PIPOX: variants seen among roughly 807,000 people sequenced by gnomAD.
The protein encoded by PIPOX is pipecolic acid and sarcosine oxidase, also known as peroxisomal sarcosine oxidase.
PIPOX carries 45 observed loss-of-function variants against 47.9 expected under a neutral mutation model. The observed-to-expected ratio is 0.94, with a 90% CI of 0.74 to 1.20. The LOEUF is 1.20. Ranked by LOEUF, PIPOX falls within the 50% of genes most tolerant of loss-of-function variation. The pLI, the probability that PIPOX is intolerant of heterozygous loss-of-function variation, is 0.00. For synonymous variants in PIPOX, 165 were observed against 191.3 expected, an observed-to-expected ratio of 0.86 and a Z score of 1.13; for missense variants, 458 against 498.4, an observed-to-expected ratio of 0.92 and a Z score of 0.77.
At chr17:29,044,641 A>C (rs1411637311) in intron 1 of PIPOX, among the ~76,000 whole-genome samples, 2 of 152,094 alleles carry the variant, frequency 1.3e-5, no homozygotes, top group African/African-American at 4.8e-5. Context: ...GATAGTTTTT[A>C]AATTTTTGAG....
At position 29,054,710 on chromosome 17, in the gene PIPOX, A is replaced by T. The variant is rs1327310883; in HGVS notation, c.807+19A>T. On this transcript the variant is annotated intron_variant, in intron 5 of 7. Transcript: ENST00000323372. ...GATGAAGGTGAGCGGAAAGACCGAG[A>T]TAAGGCAGGTAGATGCCAGTGCAGA... 5.0e-6 allele frequency: 8 copies of T among 1,611,106 alleles called. No individual in the cohort carries two copies. The highest frequency in any genetic ancestry group is 6.8e-6 in the Non-Finnish European group (8 of 1,177,650).
intron 2 of PIPOX, among the ~76,000 whole-genome samples, chr17:29,050,767 G>C (rs1348526826): frequency 6.6e-6 from 1 of 151,908 alleles, no homozygotes; most frequent in African/African-American, 2.4e-5. Flanking sequence ...TGCGGCTGCA[G>C]TGAGCTGTGA....
rs187404478 is a variant in PIPOX at position 29,045,082 on chromosome 17, G to A, written c.263+75G>A. On this transcript the variant is annotated intron_variant, in intron 2 of 7. Transcript: ENST00000323372. Reference sequence around the variant, plus strand: ...TACTTTTAGTGTGTGAAGTGGCAGCGCCATGGAACATTTGGAATGCAATGG... The same window carrying A: ...TACTTTTAGTGTGTGAAGTGGCAGCACCATGGAACATTTGGAATGCAATGG... 1.4e-4 allele frequency: 200 copies of A among 1,462,056 alleles called. 2 individuals carry two copies. The African/African-American group carries it at 1.5e-3, about 11-fold the overall frequency. The allele number at this position is 1,462,056 out of a possible 1,614,324, so 90.6% of individuals were successfully genotyped here.
intron 5 of PIPOX, 48 bp downstream of exon 5, chr17:29,054,739 G>A (rs973013016): frequency 6.3e-6 from 10 of 1,592,070 alleles, no homozygotes; most frequent in Admixed American, 3.4e-5. Flanking sequence ...GTGCAGATTA[G>A]GGGAAGCTGC....
At chr17:29,051,093 C>T (rs1282886839) in intron 2 of PIPOX, among the ~76,000 whole-genome samples, 3 of 152,006 alleles carry the variant, frequency 2.0e-5, no homozygotes, top group Non-Finnish European at 4.4e-5. Flanking sequence ...TGCACTCCAG[C>T]CTGGATGACA....
intron 5 of PIPOX, 128 bp from the exon 6 acceptor site, chr17:29,054,935 G>T: frequency 1.5e-6 from 2 of 1,302,288 alleles, no homozygotes; most frequent in Non-Finnish European, 2.2e-6. Flanking sequence ...ACAGCCCACA[G>T]CACCTGCCAG....
chr17:29,052,052 G>T, intron 2 of PIPOX: 1 of 471,028 alleles, frequency 2.1e-6, no homozygotes, highest in Non-Finnish European at 4.4e-6. Flanking sequence ...GTGAAGCCAG[G>T]ACTAGAGACA....
chr17:29,056,478 T>C lies in PIPOX; in HGVS notation c.*173T>C, dbSNP rs2065828934. On this transcript the variant is annotated 3_prime_UTR_variant, in exon 8 of 8. Coordinates refer to ENST00000323372, the MANE Select transcript of PIPOX (RefSeq NM_016518.3). ...TTCTTTCCTTGGCCCGCTCCCTTTT[T>C]CTTCTGCCTCACTTGAATCCCCCGT... 3 of 704,218 alleles carry C rather than the reference T, an allele frequency of 4.3e-6. No homozygotes were observed. Among genetic ancestry groups the C allele is most frequent in the Non-Finnish European group, 6.9e-6 (3 of 432,026 alleles). The allele number at this position is 704,218 out of a possible 1,614,324, so 43.6% of individuals were successfully genotyped here. A position where few individuals can be genotyped will look rare whatever the true frequency, so the allele number is the denominator to read the frequency against.
intron 1 of PIPOX, among the ~76,000 whole-genome samples, chr17:29,043,979 G>T (rs910671026): frequency 1.3e-5 from 2 of 152,180 alleles, no homozygotes; most frequent in African/African-American, 4.8e-5. Flanking sequence ...TCGAGGACAG[G>T]GCCACCCAGC....
At chr17:29,044,575 A>T (rs779926428) in intron 1 of PIPOX, among the ~76,000 whole-genome samples, 1 of 152,116 alleles carries the variant, frequency 6.6e-6, no homozygotes, top group Non-Finnish European at 1.5e-5. Flanking sequence ...CTGGGCTCAA[A>T]CAGTCCTCCT....
chr17:29,051,409 C>T (rs1348301411), intron 2 of PIPOX, among the ~76,000 whole-genome samples: 1 of 152,150 alleles, frequency 6.6e-6, no homozygotes, highest in Admixed American at 6.5e-5. Flanking sequence ...CTCTTTAATC[C>T]CCCCAACCAG....
At chr17:29,043,683 G>T (rs576235074) in intron 1 of PIPOX, among the ~76,000 whole-genome samples, 1 of 152,258 alleles carries the variant, frequency 6.6e-6, no homozygotes, top group East Asian at 1.9e-4. Context: ...AATTGGTTCT[G>T]CTCTAGGTAA....
Position 29,055,815 on chromosome 17 carries a change from T to A in PIPOX, c.969T>A (p.Asn323Lys), listed in dbSNP as rs769593127. The A allele has an allele frequency of 4.3e-6, 7 of 1,613,346 alleles. No individual in the cohort carries two copies. The East Asian group carries it at 1.6e-4, about 36-fold the overall frequency. Residue 323 changes from asparagine to lysine, a missense_variant and splice_region_variant, in exon 7 of 8, where the codon AAT becomes AAA. Physicochemically the swap from Asn to Lys is moderately conservative, Grantham distance 94. Transcript: ENST00000323372. ...AAGGTGTGACTGTTTCTTTCTAGAA[T>A]ACCCCTGATGAGCAGTTCATTCTCG... is the stretch of plus-strand genomic sequence containing the variant. ...PAVIESCMYT[N>K]TPDEQFILDR...
chr17:29,055,999 A>G, intron 7 of PIPOX, 111 bp downstream of exon 7: 1 of 1,276,642 alleles, frequency 7.8e-7, no homozygotes. Flanking sequence ...AAGCCTGGAC[A>G]TTGTAGGTAT....
In PIPOX at chr17:29,056,409, G is replaced by A; in HGVS notation, c.*104G>A. 7.4e-7 allele frequency: 1 copy of A among 1,357,406 alleles called. No homozygotes were observed. The highest frequency in any genetic ancestry group is 1.0e-6 in the Non-Finnish European group (1 of 975,212). The allele number at this position is 1,357,406 out of a possible 1,614,324, so 84.1% of individuals were successfully genotyped here. ...CCCTGAGATATCATCCTTTTCTTCT[G>A]CCTCGCCTGAATCCCCCATAAACAC... On this transcript the variant is annotated 3_prime_UTR_variant, in exon 8 of 8. Coordinates refer to ENST00000323372, the MANE Select transcript of PIPOX (RefSeq NM_016518.3).
intron 2 of PIPOX, among the ~76,000 whole-genome samples, chr17:29,046,999 A>C (rs2065787914): frequency 6.6e-6 from 1 of 152,214 alleles, no homozygotes; most frequent in Non-Finnish European, 1.5e-5. Flanking sequence ...TTACAATAAG[A>C]AACTAGGCTG....
At chr17:29,051,271 G>C (rs533004927) in intron 2 of PIPOX, among the ~76,000 whole-genome samples, 1 of 152,328 alleles carries the variant, frequency 6.6e-6, no homozygotes, top group South Asian at 2.1e-4. Flanking sequence ...CAGAGCTCTC[G>C]TTGCTATCTC....
chr17:29,055,697 G>A (rs1162132580), intron 6 of PIPOX, 116 bp from the exon 7 acceptor site: 2 of 877,394 alleles, frequency 2.3e-6, no homozygotes, highest in East Asian at 2.4e-5. Flanking sequence ...GCATCCTTGT[G>A]CCTCATTCCA....
intron 2 of PIPOX, among the ~76,000 whole-genome samples, chr17:29,051,417 C>A (rs2065805744): frequency 6.6e-6 from 1 of 152,204 alleles, no homozygotes; most frequent in African/African-American, 2.4e-5. Context: ...TCCCCCCAAC[C>A]AGATAATGTG....
Sources: gnomAD v4.1 joint callset for allele counts (sites outside exome capture counted in the v4.1 genomes callset) on GRCh38, gnomAD v4.1.1 for gene constraint, MANE v1.5 for transcripts, NCBI Gene and HGNC (gene_info 2026-07-23, HGNC 2026-07-21) for gene names.